The following ATP8A2 variants were observed in gnomAD, a reference collection of about 807,000 sequenced individuals.
ATP8A2 encodes the protein phospholipid-transporting ATPase IB.
ATP8A2 carries 100 observed loss-of-function variants against 165.6 expected under a neutral mutation model. The observed-to-expected ratio is 0.60, with a 90% CI of 0.51 to 0.71. The LOEUF (loss-of-function observed/expected upper bound fraction) is 0.71. Among genes scored for constraint, ATP8A2 ranks in the 30% least tolerant of loss-of-function variants. The pLI is 0.00. For missense variants in ATP8A2, 1,227 were observed against 1,479.5 expected (o/e 0.83, Z 2.80); for synonymous variants, 543 against 548.8 (o/e 0.99, Z 0.15).
chr13:25,448,296 T>G (rs1248776136), intron 1 of ATP8A2, among the ~76,000 whole-genome samples: 1 of 152,242 alleles, frequency 6.6e-6, no homozygotes, highest in African/African-American at 2.4e-5. Context: ...CTCATTTTAA[T>G]GGAACATTTC....
At chr13:25,696,687 G>A (rs2042841065) in intron 24 of ATP8A2, among the ~76,000 whole-genome samples, 1 of 152,210 alleles carries the variant, frequency 6.6e-6, no homozygotes, top group South Asian at 2.1e-4. Context: ...TTAGGGTCTT[G>A]CTCTGGATTA....
chr13:25,947,773 C>T (rs1463723686), intron 33 of ATP8A2, among the ~76,000 whole-genome samples: 1 of 152,160 alleles, frequency 6.6e-6, no homozygotes, highest in African/African-American at 2.4e-5. Flanking sequence ...TTTTGATGTG[C>T]AGCTACGTGG....
intron 2 of ATP8A2, among the ~76,000 whole-genome samples, chr13:25,495,175 AG>A (rs1237164555): frequency 6.6e-6 from 1 of 152,156 alleles, no homozygotes; most frequent in Non-Finnish European, 1.5e-5. Flanking sequence ...CTGCCCTTCC[AG>A]GGTGGGGCTG....
At chr13:25,373,068 G>A (rs1432089197) in intron 1 of ATP8A2, among the ~76,000 whole-genome samples, 2 of 152,200 alleles carry the variant, frequency 1.3e-5, no homozygotes, top group Non-Finnish European at 2.9e-5. Context: ...ATGTCGTGGA[G>A]CTGGATGTTA....
chr13:25,661,349 T>C (rs1566023978), intron 24 of ATP8A2, among the ~76,000 whole-genome samples: 1 of 152,204 alleles, frequency 6.6e-6, no homozygotes, highest in Non-Finnish European at 1.5e-5. Context: ...AAGGTCAAAA[T>C]TATTTCTCTC....
chr13:25,408,403 A>G (rs1325831194), intron 1 of ATP8A2, among the ~76,000 whole-genome samples: 2 of 150,706 alleles, frequency 1.3e-5, no homozygotes, highest in Non-Finnish European at 3.0e-5. Flanking sequence ...AAAAAAAAAA[A>G]GCTTGTGCAG....
At chr13:25,686,671 C>T (rs978446356) in intron 24 of ATP8A2, among the ~76,000 whole-genome samples, 2 of 152,088 alleles carry the variant, frequency 1.3e-5, no homozygotes, top group African/African-American at 4.8e-5. Context: ...AACAGTTAAC[C>T]TCTTGTCAAC....
rs553446882 is a variant in ATP8A2, at chr13:25,450,766, C to T, written c.77-18211C>T. On this transcript the variant is annotated intron_variant, in intron 1 of 36. Coordinates refer to ENST00000381655, the MANE Select transcript of ATP8A2 (RefSeq NM_016529.6). Reference sequence around the variant, plus strand: ...CAGGATGGTCTCAATCTCCTGACCTCGTAATCTGCCCACCTCGGCCTCCCA... The same window carrying T: ...CAGGATGGTCTCAATCTCCTGACCTTGTAATCTGCCCACCTCGGCCTCCCA... Among the ~76,000 whole-genome samples, 415 of 152,134 alleles carry T rather than the reference C, an allele frequency of 2.7e-3. 6 individuals are homozygous for T. In the East Asian group the frequency reaches 0.039, roughly 14 times the overall value.
At chr13:25,656,132 A>G (rs903000943) in intron 24 of ATP8A2, among the ~76,000 whole-genome samples, 1 of 152,132 alleles carries the variant, frequency 6.6e-6, no homozygotes, top group East Asian at 1.9e-4. Context: ...TAAAATATGG[A>G]CACCATCAGT....
chr13:25,983,029 A>G (rs937009542), intron 35 of ATP8A2, among the ~76,000 whole-genome samples: 7 of 152,210 alleles, frequency 4.6e-5, no homozygotes, highest in East Asian at 1.9e-4. Flanking sequence ...TCTTTCTGGA[A>G]CACAGCAGTT....
chr13:25,630,401 C>T (rs963662081), intron 24 of ATP8A2, among the ~76,000 whole-genome samples: 1 of 152,178 alleles, frequency 6.6e-6, no homozygotes, highest in African/African-American at 2.4e-5. Context: ...AGACTGAGCC[C>T]TTTCCCTTTT....
chr13:25,584,285 G>A (rs1376422016), intron 23 of ATP8A2, among the ~76,000 whole-genome samples: 1 of 152,104 alleles, frequency 6.6e-6, no homozygotes, highest in Non-Finnish European at 1.5e-5. Context: ...GACCACAGGC[G>A]GCAGCTGTCA....
At chr13:25,769,256 C>T in intron 26 of ATP8A2, 27 bp downstream of exon 26, 1 of 1,593,122 alleles carries the variant, frequency 6.3e-7, no homozygotes, top group Non-Finnish European at 8.6e-7. Flanking sequence ...TCCAGCTGCC[C>T]TGTCCTGTTG....
intron 2 of ATP8A2, among the ~76,000 whole-genome samples, chr13:25,474,265 A>C (rs895774916): frequency 1.3e-5 from 2 of 152,200 alleles, no homozygotes; most frequent in African/African-American, 4.8e-5. Flanking sequence ...TTTAAATAGA[A>C]TATTACCTTT....
chr13:25,550,863 C>T (rs992770018), intron 10 of ATP8A2, among the ~76,000 whole-genome samples: 1 of 152,150 alleles, frequency 6.6e-6, no homozygotes, highest in Admixed American at 6.5e-5. Flanking sequence ...TCCTCAAATT[C>T]TGAGCTCCGG....
intron 2 of ATP8A2, among the ~76,000 whole-genome samples, chr13:25,524,886 A>ACTTACTTCCTTCCTTC (rs1421744248): frequency 4.9e-5 from 7 of 141,724 alleles, no homozygotes; most frequent in African/African-American, 1.6e-4. Flanking sequence ...TTGTTTGATA[A>ACTTACTTCCTTCCTTC]CTTCCTTCCT....
intron 24 of ATP8A2, among the ~76,000 whole-genome samples, chr13:25,629,026 G>A (rs2041172969): frequency 6.6e-6 from 1 of 152,152 alleles, no homozygotes; most frequent in South Asian, 2.1e-4. Context: ...GGTCACCTAT[G>A]AGACTAATAG....
intron 36 of ATP8A2, among the ~76,000 whole-genome samples, chr13:26,013,834 G>GT (rs1255154669): frequency 1.3e-5 from 2 of 152,324 alleles, no homozygotes; most frequent in African/African-American, 4.8e-5. Context: ...GGGAGACAGA[G>GT]TATCATTGCT....
Position 25,465,727 on chromosome 13 carries a change from CTTT to C in ATP8A2, c.77-3249_77-3247del, listed in dbSNP as rs1566153452. Among the ~76,000 whole-genome samples, 127 of 59,344 alleles carry C rather than the reference CTTT, an allele frequency of 2.1e-3. 5 individuals are homozygous for C. Among genetic ancestry groups the C allele is most frequent in the African/African-American group, 7.1e-3 (95 of 13,324 alleles). 38.9% of individuals were successfully genotyped at this position (59,344 alleles called of 152,430 possible). A position where few individuals can be genotyped will look rare whatever the true frequency, so the allele number is the denominator to read the frequency against. ...TCTTTCTTTCTTTCTTTCTTTCTTT[CTTT>C]CTTTCTTTCCCTCCCTCCCTCTCTC... On this transcript the variant is annotated intron_variant, in intron 1 of 36. Transcript: ENST00000381655.
Sources: allele counts gnomAD v4.1 joint callset (sites outside exome capture counted in the v4.1 genomes callset), GRCh38; gene constraint gnomAD v4.1.1; transcripts MANE v1.5; gene names NCBI Gene and HGNC (gene_info 2026-07-23, HGNC 2026-07-21).